Variants in PHC2 observed in about 807,000 individuals in gnomAD.
PHC2 encodes polyhomeotic homolog 2.
Under a neutral mutation model 87.4 loss-of-function variants are expected in PHC2, and 29 were observed. The ratio of observed to expected loss-of-function variants is 0.33; its 90% CI spans 0.25 to 0.45. The LOEUF (loss-of-function observed/expected upper bound fraction) is 0.45. PHC2 is among the 20% of genes least tolerant of loss of function. PHC2 has a pLI of 1.00. For synonymous variants in PHC2, 438 were observed against 461.7 expected (o/e 0.95, Z 0.66); for missense variants, 857 against 1,136.7 (o/e 0.75, Z 3.54).
At chr1:33,429,910 A>G (rs1051679129) in intron 1 of PHC2, among the ~76,000 whole-genome samples, 1 of 152,222 alleles carries the variant, frequency 6.6e-6, no homozygotes, top group Non-Finnish European at 1.5e-5. Flanking sequence ...CGGGCGCATT[A>G]GCCGATTTTT....
intron 9 of PHC2, among the ~76,000 whole-genome samples, chr1:33,348,005 T>C (rs1278812989): frequency 6.6e-6 from 1 of 152,222 alleles, no homozygotes; most frequent in Non-Finnish European, 1.5e-5. Flanking sequence ...TTTGTTAAAA[T>C]CACTTTTATA....
At chr1:33,392,485 TCACTA>T (rs1446145166) in intron 1 of PHC2, among the ~76,000 whole-genome samples, 2 of 152,204 alleles carry the variant, frequency 1.3e-5, no homozygotes, top group Non-Finnish European at 2.9e-5. Flanking sequence ...TTTATTCACT[TCACTA>T]GAGTCATTCC....
chr1:33,420,784 A>T (rs1355464790), intron 1 of PHC2, among the ~76,000 whole-genome samples: 2 of 151,816 alleles, frequency 1.3e-5, no homozygotes, highest in African/African-American at 2.4e-5. Flanking sequence ...TTATTTTTAA[A>T]TTTTTTTGTA....
chr1:33,346,429 C>A lies in PHC2; in HGVS notation c.1558+7972G>T, dbSNP rs1348814607. On this transcript the variant is annotated intron_variant, in intron 9 of 14. Coordinates refer to ENST00000683057, the MANE Select transcript of PHC2 (RefSeq NM_001385109.1). ...AGAGAAACTATCAATTATGAAGACT[C>A]CTCATTCTCATTTCCCTACTCTCGT... is the stretch of plus-strand genomic sequence containing the variant. The A allele has an allele frequency of 3.0e-6, 3 of 985,146 alleles. No individual in the cohort carries two copies. In the African/African-American group the frequency reaches 5.2e-5, roughly 17 times the overall value. 61.0% of individuals were successfully genotyped at this position (985,146 alleles called of 1,614,324 possible).
intron 9 of PHC2, chr1:33,345,394 G>T: frequency 4.2e-6 from 1 of 237,016 alleles, no homozygotes; most frequent in Non-Finnish European, 6.9e-6. Context: ...TTTACCAGAT[G>T]TAGAAAGAAT....
intron 4 of PHC2, 32 bp from the exon 5 acceptor site, chr1:33,370,617 G>C: frequency 1.3e-6 from 2 of 1,589,140 alleles, no homozygotes; most frequent in Non-Finnish European, 1.7e-6. Context: ...GTAGGAGATA[G>C]GAGGTTCTGT....
chr1:33,368,640 C>G lies in PHC2; in HGVS notation c.577-18G>C. ...AAGATGAGCTGAGGGGACAAAGGAA[C>G]AGTGCCGCCTAGGCTCCTAGCTACC... On this transcript the variant is annotated intron_variant, in intron 5 of 14. Coordinates refer to ENST00000683057, the MANE Select transcript of PHC2 (RefSeq NM_001385109.1). The surrounding 1 kb of genome is among the most constrained non-coding windows in gnomAD (Gnocchi z 6.6). 1.3e-6 allele frequency: 2 copies of G among 1,536,182 alleles called. No individual in the cohort carries two copies. Among genetic ancestry groups the G allele is most frequent in the South Asian group, 2.4e-5 (2 of 83,766 alleles).
chr1:33,408,412 C>T (rs887469285), intron 1 of PHC2, among the ~76,000 whole-genome samples: 4 of 151,956 alleles, frequency 2.6e-5, no homozygotes, highest in Non-Finnish European at 5.9e-5. Flanking sequence ...ACAGTAAGCT[C>T]TTGAAGATTA....
At chr1:33,408,304 A>C (rs1649844622) in intron 1 of PHC2, among the ~76,000 whole-genome samples, 1 of 152,184 alleles carries the variant, frequency 6.6e-6, no homozygotes, top group African/African-American at 2.4e-5. Context: ...ACCAATAAGA[A>C]AATAGTTTGA....
At chr1:33,347,702 C>T in intron 9 of PHC2, 1 of 985,478 alleles carries the variant, frequency 1.0e-6, no homozygotes, top group Non-Finnish European at 1.2e-6. Context: ...GATGTCTATT[C>T]TTCCCTGTGT....
At chr1:33,358,282 T>C (rs759565173) in intron 7 of PHC2, among the ~76,000 whole-genome samples, 1 of 152,082 alleles carries the variant, frequency 6.6e-6, no homozygotes, top group African/African-American at 2.4e-5. Flanking sequence ...CTGTGCTTCC[T>C]CTCCTATCCC....
Position 33,333,840 on chromosome 1 carries a change from A to G in PHC2, c.1761+250T>C, listed in dbSNP as rs548801481. ...GGTTCACACATCAACAGGCAGGGAC[A>G]CACCTGAGTTTGTGTGGGAAACTTC... On this transcript the variant is annotated intron_variant, in intron 10 of 14. Transcript: ENST00000683057. The G allele has an allele frequency of 1.8e-4, 86 of 470,696 alleles. No homozygotes were observed. The South Asian group carries it at 2.2e-3, about 12-fold the overall frequency. The allele number at this position is 470,696 out of a possible 1,614,324, so 29.2% of individuals were successfully genotyped here. A position where few individuals can be genotyped will look rare whatever the true frequency, so the allele number is the denominator to read the frequency against.
At chr1:33,419,620 T>C (rs769412099) in intron 1 of PHC2, among the ~76,000 whole-genome samples, 9 of 151,900 alleles carry the variant, frequency 5.9e-5, no homozygotes, top group African/African-American at 1.9e-4. Flanking sequence ...CTCTTTCTTA[T>C]TTTTTTTGAG....
chr1:33,337,970 G>C (rs76755167), intron 9 of PHC2, among the ~76,000 whole-genome samples: 2,609 of 152,212 alleles, frequency 0.017, 71 homozygotes, highest in African/African-American at 0.059. Context: ...TTCTTCCATG[G>C]AATTAATCCA....
rs755311093 is a variant in PHC2, at chr1:33,324,858, ACCAGC to A, written c.*2_*6del. ...GCCCTGGGCCAGAATCCTGGCTGCC[ACCAGC>A]CCTAGGAGTCCTTGAGCATGCTGAT... On this transcript the variant is annotated 3_prime_UTR_variant, in exon 15 of 15. Coordinates refer to ENST00000683057, the MANE Select transcript of PHC2 (RefSeq NM_001385109.1). The A allele has an allele frequency of 8.1e-6, 13 of 1,604,920 alleles. No homozygotes were observed. The Admixed American group carries it at 2.2e-4, about 27-fold the overall frequency.
chr1:33,350,988 T>C (rs1024970138), intron 9 of PHC2, among the ~76,000 whole-genome samples: 1 of 152,224 alleles, frequency 6.6e-6, no homozygotes, highest in Non-Finnish European at 1.5e-5. Flanking sequence ...CCACCAGTTC[T>C]TCCTGGAATG....
At chr1:33,345,533 T>C in intron 9 of PHC2, 2 of 985,070 alleles carry the variant, frequency 2.0e-6, no homozygotes, top group Non-Finnish European at 2.4e-6. Context: ...AAGTTTTCTA[T>C]GCTGGTCTAC....
At chr1:33,418,375 GAGAGAGAA>G (rs1052686392) in intron 1 of PHC2, among the ~76,000 whole-genome samples, 14 of 112,528 alleles carry the variant, frequency 1.2e-4, no homozygotes, top group Non-Finnish European at 2.7e-4. Context: ...GAGAGTGAGA[GAGAGAGAA>G]AGAGGACACA....
intron 9 of PHC2, among the ~76,000 whole-genome samples, chr1:33,337,477 C>T (rs549615627): frequency 6.6e-6 from 1 of 152,204 alleles, no homozygotes; most frequent in African/African-American, 2.4e-5. Context: ...TTAGACCTGG[C>T]TTAGAGACTG....
Sources: gnomAD v4.1 joint callset for allele counts (sites outside exome capture counted in the v4.1 genomes callset) on GRCh38, gnomAD v4.1.1 for gene constraint, Gnocchi (gnomAD v3.1) non-coding constraint, MANE v1.5 for transcripts, NCBI Gene and HGNC (gene_info 2026-07-23, HGNC 2026-07-21) for gene names.